The following KCND3 variants were observed in gnomAD, a reference collection of about 807,000 sequenced individuals.
The protein encoded by KCND3 is potassium voltage-gated channel subfamily D member 3.
In KCND3, 9 loss-of-function variants were observed where a neutral mutation model predicts 51.1. The ratio of observed to expected loss-of-function variants is 0.18; its 90% CI spans 0.11 to 0.31. The LOEUF is 0.31. Among genes scored for constraint, KCND3 ranks in the 10% least tolerant of loss-of-function variants. The pLI is 1.00. For synonymous variants in KCND3, 349 were observed against 368.0 expected (o/e 0.95, Z 0.59); for missense variants, 526 against 903.8 (o/e 0.58, Z 5.36).
Position 111,780,846 on chromosome 1 carries a change from G to A in KCND3, c.1270-55C>T. 6.8e-7 allele frequency: 1 copy of A among 1,468,976 alleles called. No homozygotes were observed. The highest frequency in any genetic ancestry group is 9.4e-7 in the Non-Finnish European group (1 of 1,064,924). The allele number at this position is 1,468,976 out of a possible 1,614,324, so 91.0% of individuals were successfully genotyped here. On this transcript the variant is annotated intron_variant, in intron 3 of 7. Coordinates refer to ENST00000302127, the MANE Select transcript of KCND3 (RefSeq NM_001378969.1). The surrounding 1 kb of genome is among the most constrained non-coding windows in gnomAD (Gnocchi z 4.2). ...AGGCAGACCATGATACAAAAAGACA[G>A]CAAGGCTGGTGAAGCTGTGAGGCTG...
intron 2 of KCND3, among the ~76,000 whole-genome samples, chr1:111,795,834 C>T (rs1439832239): frequency 1.3e-5 from 2 of 152,230 alleles, no homozygotes; most frequent in Non-Finnish European, 2.9e-5. Context: ...TTCTCCACAA[C>T]CTCACCAGCA....
rs1278662927 is a variant in KCND3 at position 111,855,025 on chromosome 1, C to T, written c.1107-67919G>A. Reference sequence around the variant, plus strand: ...CCACTCTGTGGCTTCGTCAGTCCTGCCGCTTAAGGGCTCACCTGACTGTGC... The same window carrying T: ...CCACTCTGTGGCTTCGTCAGTCCTGTCGCTTAAGGGCTCACCTGACTGTGC... On this transcript the variant is annotated intron_variant, in intron 2 of 7. Coordinates refer to ENST00000302127, the MANE Select transcript of KCND3 (RefSeq NM_001378969.1). 2.0e-5 allele frequency among the ~76,000 whole-genome samples: 3 copies of T among 152,224 alleles called. No homozygotes were observed. The East Asian group carries it at 5.8e-4, about 29-fold the overall frequency.
At chr1:111,789,649 A>G (rs1388508797) in intron 2 of KCND3, among the ~76,000 whole-genome samples, 1 of 152,238 alleles carries the variant, frequency 6.6e-6, no homozygotes, top group Non-Finnish European at 1.5e-5. Flanking sequence ...GTATCTGTAA[A>G]TTGTGCCATC....
rs1472647654 is a variant in KCND3, at chr1:111,771,076, C to G, written c.*5001G>C. On this transcript the variant is annotated 3_prime_UTR_variant, in exon 8 of 8. Transcript: ENST00000302127. Reference sequence around the variant, plus strand: ...TAAAATAGTCCATTGGTCCAAGGAGCCCCCCAGGACTTGGGTCAGTGCCGT... The same window carrying G: ...TAAAATAGTCCATTGGTCCAAGGAGGCCCCCAGGACTTGGGTCAGTGCCGT... 1 of 152,112 alleles carries G rather than the reference C, an allele frequency of 6.6e-6. No homozygotes were observed. The highest frequency in any genetic ancestry group is 1.5e-5 in the Non-Finnish European group (1 of 68,016). The allele number at this position is 152,112 out of a possible 1,614,324, so 9.4% of individuals were successfully genotyped here.
intron 2 of KCND3, among the ~76,000 whole-genome samples, chr1:111,799,127 C>T (rs1665181726): frequency 6.6e-6 from 1 of 152,140 alleles, no homozygotes; most frequent in Non-Finnish European, 1.5e-5. Context: ...TATGAGCAAA[C>T]CATATTTAAA....
intron 2 of KCND3, among the ~76,000 whole-genome samples, chr1:111,885,670 T>A (rs959646473): frequency 7.9e-5 from 12 of 151,940 alleles, no homozygotes; most frequent in Admixed American, 1.3e-4. Flanking sequence ...CCTGTTACAT[T>A]TTGTGATTTT....
chr1:111,825,193 G>A (rs1666519881), intron 2 of KCND3, among the ~76,000 whole-genome samples: 1 of 152,116 alleles, frequency 6.6e-6, no homozygotes. Flanking sequence ...GTGATCCAGG[G>A]TCCACACTTT....
At position 111,982,806 on chromosome 1, in the gene KCND3, A is replaced by T. The variant is rs1489707095; in HGVS notation, c.-72-8T>A. On this transcript the variant is annotated splice_polypyrimidine_tract_variant and splice_region_variant and intron_variant, in intron 1 of 7. Transcript: ENST00000302127. This position sits in a 1 kb window ranked among gnomAD's most constrained non-coding sequence, Gnocchi z 8.5. ...GAGTTAGTTCAGCAAACCCTGGGAG[A>T]CAGGAGGGGAGAGAGAGAAGCGGTG... is the stretch of plus-strand genomic sequence containing the variant. 2.6e-6 allele frequency: 4 copies of T among 1,530,304 alleles called. No homozygotes were observed. The African/African-American group carries it at 5.5e-5, about 21-fold the overall frequency. The allele number at this position is 1,530,304 out of a possible 1,614,324, so 94.8% of individuals were successfully genotyped here.
chr1:111,847,113 C>T (rs917311523), intron 2 of KCND3, among the ~76,000 whole-genome samples: 41 of 152,176 alleles, frequency 2.7e-4, no homozygotes, highest in Non-Finnish European at 2.2e-4. Flanking sequence ...AACCCCATGA[C>T]GAGGAGTGCT....
intron 2 of KCND3, among the ~76,000 whole-genome samples, chr1:111,917,952 G>A (rs975287447): frequency 2.6e-5 from 4 of 152,138 alleles, no homozygotes; most frequent in Admixed American, 1.3e-4. Context: ...GGTAGTCTAC[G>A]AGGCACTGGG....
chr1:111,868,147 G>T (rs1171764351), intron 2 of KCND3, among the ~76,000 whole-genome samples: 1 of 152,148 alleles, frequency 6.6e-6, no homozygotes, highest in Non-Finnish European at 1.5e-5. Context: ...AATATTAAAT[G>T]ACAAAAATCC....
chr1:111,870,815 T>C (rs894462462), intron 2 of KCND3, among the ~76,000 whole-genome samples: 1 of 152,242 alleles, frequency 6.6e-6, no homozygotes, highest in African/African-American at 2.4e-5. Context: ...TACTATCCTG[T>C]GCAAAGCATA....
intron 2 of KCND3, among the ~76,000 whole-genome samples, chr1:111,814,429 A>G (rs1048472789): frequency 1.8e-4 from 28 of 152,224 alleles, no homozygotes; most frequent in Non-Finnish European, 3.7e-4. Flanking sequence ...TTGAGAATCC[A>G]CTATAAGTAA....
At chr1:111,953,229 C>A (rs781432153) in intron 2 of KCND3, among the ~76,000 whole-genome samples, 4 of 152,154 alleles carry the variant, frequency 2.6e-5, no homozygotes, top group Non-Finnish European at 4.4e-5. Flanking sequence ...GTCCACCCAC[C>A]CGGTCCATCA....
At position 111,893,671 on chromosome 1, in the gene KCND3, A is replaced by G. The variant is rs117216940; in HGVS notation, c.1106+87950T>C. Among the ~76,000 whole-genome samples the G allele has an allele frequency of 4.3e-4, 65 of 152,284 alleles. No homozygotes were observed. In the East Asian group the frequency reaches 0.012, roughly 29 times the overall value. Reference sequence around the variant, plus strand: ...GGGCCAGCCCTTCTCTTAGGAAGCCAAGTGACTCCTTGACCTATCAGAGGT... The same window carrying G: ...GGGCCAGCCCTTCTCTTAGGAAGCCGAGTGACTCCTTGACCTATCAGAGGT... On this transcript the variant is annotated intron_variant, in intron 2 of 7. Coordinates refer to ENST00000302127, the MANE Select transcript of KCND3 (RefSeq NM_001378969.1).
chr1:111,921,139 CTCAT>C (rs1411233928), intron 2 of KCND3, among the ~76,000 whole-genome samples: 1 of 152,204 alleles, frequency 6.6e-6, no homozygotes, highest in Non-Finnish European at 1.5e-5. Flanking sequence ...TCATTTATTT[CTCAT>C]TCAATCTCTA....
intron 2 of KCND3, among the ~76,000 whole-genome samples, chr1:111,802,243 C>T (rs1015769005): frequency 6.6e-6 from 1 of 152,204 alleles, no homozygotes; most frequent in African/African-American, 2.4e-5. Flanking sequence ...GCCACTTCTG[C>T]CATTGGGAAC....
intron 2 of KCND3, among the ~76,000 whole-genome samples, chr1:111,877,531 C>T (rs892268265): frequency 1.3e-5 from 2 of 152,118 alleles, no homozygotes; most frequent in Admixed American, 1.3e-4. Context: ...GACTATGAGG[C>T]CAGGGAAGAG....
chr1:111,780,787 G>A lies in KCND3; in HGVS notation c.1274C>T (p.Ala425Val). Residue 425 changes from alanine (A) to valine (V), a missense_variant, in exon 4 of 8, where the codon GCC (alanine) becomes GTC (valine). Physicochemically the swap from Ala to Val is moderately conservative, Grantham distance 64 (BLOSUM62 0). Coordinates refer to ENST00000302127, the MANE Select transcript of KCND3 (RefSeq NM_001378969.1). This position sits in a 1 kb window ranked among gnomAD's most constrained non-coding sequence, Gnocchi z 4.2. Reference sequence around the variant, plus strand: ...GGCCACACGGATCCTGGCAAGGCGGGCCTTCTGTGATTGGCAGAGATAATA... The same window carrying A: ...GGCCACACGGATCCTGGCAAGGCGGACCTTCTGTGATTGGCAGAGATAATA... Reference protein sequence around the residue: ...RADKRRAQKKARLARIRVAKT... With the variant: ...RADKRRAQKKVRLARIRVAKT... 1 of 1,612,362 alleles carries A rather than the reference G, an allele frequency of 6.2e-7. No individual in the cohort carries two copies.
Sources: gnomAD v4.1 joint callset for allele counts (sites outside exome capture counted in the v4.1 genomes callset) on GRCh38, gnomAD v4.1.1 for gene constraint, Gnocchi (gnomAD v3.1) non-coding constraint, MANE v1.5 for transcripts, NCBI Gene and HGNC (gene_info 2026-07-23, HGNC 2026-07-21) for gene names.